Variants in CACNA1A observed in about 807,000 individuals in gnomAD.
CACNA1A encodes calcium voltage-gated channel subunit alpha1 A, also known as voltage-dependent P/Q-type calcium channel subunit alpha-1A.
CACNA1A carries 57 observed loss-of-function variants against 262.4 expected under a neutral mutation model. The observed-to-expected ratio is 0.22, with a 90% CI of 0.18 to 0.27. The LOEUF (loss-of-function observed/expected upper bound fraction) is 0.27. Ranked by LOEUF, CACNA1A falls within the 10% of genes least tolerant of loss-of-function variation. CACNA1A has a pLI of 1.00. For missense variants in CACNA1A, 2,526 were observed against 3,562.8 expected, an observed-to-expected ratio of 0.71 and a Z score of 7.41; for synonymous variants, 1,431 against 1,419.3, an observed-to-expected ratio of 1.01 and a Z score of -0.18.
At chr19:13,230,033 C>T (rs1239600041) in intron 36 of CACNA1A, 49 bp downstream of exon 36, 1 of 1,594,966 alleles carries the variant, frequency 6.3e-7, no homozygotes, top group South Asian at 1.1e-5. Context: ...TGTTCCAGTT[C>T]CAGGGAGAGG....
intron 12 of CACNA1A, among the ~76,000 whole-genome samples, chr19:13,309,587 G>A (rs1457714736): frequency 6.6e-6 from 1 of 151,918 alleles, no homozygotes; most frequent in African/African-American, 2.4e-5. Context: ...CAGCTACTTA[G>A]GAGGCTGAGG....
intron 3 of CACNA1A, among the ~76,000 whole-genome samples, chr19:13,372,925 C>T (rs907613836): frequency 4.6e-5 from 7 of 152,130 alleles, no homozygotes; most frequent in African/African-American, 1.7e-4. Context: ...CGAGCAAGAC[C>T]CTGTCATGAG....
intron 31 of CACNA1A, among the ~76,000 whole-genome samples, chr19:13,237,287 A>G (rs749276136): frequency 4.6e-5 from 7 of 152,134 alleles, no homozygotes; most frequent in Non-Finnish European, 7.4e-5. Context: ...GGGTCTCTCC[A>G]CACTAAGGGA....
intron 6 of CACNA1A, among the ~76,000 whole-genome samples, chr19:13,348,785 G>A (rs915006578): frequency 6.6e-6 from 1 of 152,094 alleles, no homozygotes; most frequent in African/African-American, 2.4e-5. Context: ...GCAGTGAGCC[G>A]AGATCACGCC....
chr19:13,405,185 C>A (rs544478749), intron 3 of CACNA1A, among the ~76,000 whole-genome samples: 5 of 150,266 alleles, frequency 3.3e-5, no homozygotes, highest in Admixed American at 3.3e-4. Flanking sequence ...TATGAGCCAG[C>A]GCGCCCGGCC....
intron 1 of CACNA1A, among the ~76,000 whole-genome samples, chr19:13,455,794 G>A (rs115643035): frequency 0.017 from 2,501 of 149,766 alleles, 64 homozygotes; most frequent in African/African-American, 0.058. Context: ...TGCTTGAGCC[G>A]AGGAGGTAGA....
chr19:13,422,127 C>A (rs2060325548), intron 3 of CACNA1A, among the ~76,000 whole-genome samples: 1 of 151,770 alleles, frequency 6.6e-6, no homozygotes, highest in Non-Finnish European at 1.5e-5. Flanking sequence ...TTGAGACCAA[C>A]CTGGGAAACA....
chr19:13,387,093 AGG>A (rs983558954), intron 3 of CACNA1A, among the ~76,000 whole-genome samples: 4 of 152,004 alleles, frequency 2.6e-5, no homozygotes, highest in African/African-American at 9.7e-5. Flanking sequence ...CTGGGACTAC[AGG>A]CGTGCGCCAC....
chr19:13,308,291 G>T lies in CACNA1A; in HGVS notation c.1782-40C>A, dbSNP rs759970681. The T allele has an allele frequency of 1.3e-6, 2 of 1,595,442 alleles. No homozygotes were observed. The highest frequency in any genetic ancestry group is 2.2e-5 in the South Asian group (2 of 89,026). ...CAGGCGAGGACTCAGGCCAGGCGGG[G>T]GAGGCAGGGCCCCGGAGTCAGCCCT... is the stretch of plus-strand genomic sequence containing the variant. On this transcript the variant is annotated intron_variant, in intron 13 of 46. Coordinates refer to ENST00000360228, the MANE Select transcript of CACNA1A (RefSeq NM_001127222.2). The surrounding 1 kb of genome is among the most constrained non-coding windows in gnomAD (Gnocchi z 4.2).
intron 4 of CACNA1A, among the ~76,000 whole-genome samples, chr19:13,368,105 A>G (rs2059249828): frequency 6.6e-6 from 1 of 151,808 alleles, no homozygotes; most frequent in Non-Finnish European, 1.5e-5. Context: ...ACTTGAACTC[A>G]GGAGTTTGAG....
intron 43 of CACNA1A, chr19:13,211,864 C>T: frequency 2.0e-6 from 1 of 494,584 alleles, no homozygotes. Flanking sequence ...TGGCCACTGC[C>T]CTCTGCCCCA....
chr19:13,208,156 G>A (rs1235942456), intron 46 of CACNA1A, 103 bp from the exon 47 acceptor site: 6 of 323,198 alleles, frequency 1.9e-5, no homozygotes, highest in Non-Finnish European at 2.9e-5. Flanking sequence ...GAGAGGGGCC[G>A]GGAGGAGAGG....
At chr19:13,449,020 G>A (rs1405173150) in intron 3 of CACNA1A, among the ~76,000 whole-genome samples, 1 of 151,718 alleles carries the variant, frequency 6.6e-6, no homozygotes, top group African/African-American at 2.4e-5. Context: ...AGCCTGGAGT[G>A]CAGTGGTGCA....
chr19:13,212,302 T>C lies in CACNA1A; in HGVS notation c.6189+82A>G, dbSNP rs2054840928. The C allele has an allele frequency of 6.4e-7, 1 of 1,562,372 alleles. No individual in the cohort carries two copies. Among genetic ancestry groups the C allele is most frequent in the South Asian group, 1.1e-5 (1 of 89,226 alleles). ...CTGCAGAGGGAGGGAGCTGCAGGTG[T>C]GTGTGTGTGGGGGGCCCAGATCCCT... On this transcript the variant is annotated intron_variant, in intron 42 of 46. Coordinates refer to ENST00000360228, the MANE Select transcript of CACNA1A (RefSeq NM_001127222.2). This position sits in a 1 kb window ranked among gnomAD's most constrained non-coding sequence, Gnocchi z 5.6.
At chr19:13,378,377 C>G (rs1464627821) in intron 3 of CACNA1A, among the ~76,000 whole-genome samples, 1 of 152,220 alleles carries the variant, frequency 6.6e-6, no homozygotes, top group Non-Finnish European at 1.5e-5. Flanking sequence ...TTTGAAAGAA[C>G]TGACTCCAAT....
chr19:13,496,433 T>C (rs767269840), intron 1 of CACNA1A, among the ~76,000 whole-genome samples: 24 of 151,950 alleles, frequency 1.6e-4, no homozygotes, highest in Admixed American at 3.9e-4. Context: ...TGTGGGGAGA[T>C]TGGAGAGTCT....
At chr19:13,390,890 T>C (rs1047255997) in intron 3 of CACNA1A, among the ~76,000 whole-genome samples, 2 of 152,188 alleles carry the variant, frequency 1.3e-5, no homozygotes, top group South Asian at 2.1e-4. Flanking sequence ...CCACCTGCTA[T>C]TGCATCTTTT....
At chr19:13,433,227 G>A (rs1036406418) in intron 3 of CACNA1A, among the ~76,000 whole-genome samples, 10 of 150,912 alleles carry the variant, frequency 6.6e-5, no homozygotes, top group Non-Finnish European at 1.0e-4. Flanking sequence ...TGGGAGATGG[G>A]GCTTGCAGTG....
chr19:13,287,208 G>A (rs184762277), intron 19 of CACNA1A, among the ~76,000 whole-genome samples: 8 of 152,048 alleles, frequency 5.3e-5, no homozygotes, highest in Admixed American at 2.0e-4. Flanking sequence ...GTAAATTGAC[G>A]GGCGTGGCGC....
Sources: allele counts gnomAD v4.1 joint callset (sites outside exome capture counted in the v4.1 genomes callset), GRCh38; gene constraint gnomAD v4.1.1; non-coding constraint Gnocchi (gnomAD v3.1); transcripts MANE v1.5; gene names NCBI Gene and HGNC (gene_info 2026-07-23, HGNC 2026-07-21).